HPSE2: variants seen among roughly 807,000 people sequenced by gnomAD.
HPSE2 encodes inactive heparanase-2.
In HPSE2, 38 loss-of-function variants were observed where a neutral mutation model predicts 60.5. The observed-to-expected ratio is 0.63, with a 90% CI of 0.48 to 0.82. The LOEUF (loss-of-function observed/expected upper bound fraction) is 0.82. Among genes scored for constraint, HPSE2 ranks in the 40% least tolerant of loss-of-function variants. The pLI is 0.00. For missense variants in HPSE2, 713 were observed against 740.4 expected (o/e 0.96, Z 0.43); for synonymous variants, 295 against 293.2 (o/e 1.01, Z -0.06).
intron 2 of HPSE2, among the ~76,000 whole-genome samples, chr10:99,157,882 C>A (rs1195896546): frequency 2.7e-5 from 3 of 109,872 alleles, no homozygotes; most frequent in East Asian, 3.8e-4. Context: ...CCAGAATCTA[C>A]AATGAACTCA....
At chr10:99,133,402 G>A (rs2135745395) in intron 3 of HPSE2, among the ~76,000 whole-genome samples, 1 of 152,324 alleles carries the variant, frequency 6.6e-6, no homozygotes, top group Middle Eastern at 3.4e-3. Context: ...GGGTCAGACT[G>A]CCGCCTCAAG....
chr10:99,154,384 T>G (rs1385476547), intron 2 of HPSE2, among the ~76,000 whole-genome samples: 1 of 71,420 alleles, frequency 1.4e-5, no homozygotes, highest in Non-Finnish European at 3.6e-5. Context: ...GGGAAGCCCA[T>G]CAGACTAACA....
intron 2 of HPSE2, among the ~76,000 whole-genome samples, chr10:99,179,476 CAGAG>C (rs1847669507): frequency 6.6e-6 from 1 of 152,110 alleles, no homozygotes; most frequent in South Asian, 2.1e-4. Flanking sequence ...AACAGACAAA[CAGAG>C]AGCCAAATCA....
rs1952716545 is a variant in HPSE2 at position 98,870,987 on chromosome 10, G to T, written c.611-126931C>A. 4.0e-5 allele frequency among the ~76,000 whole-genome samples: 6 copies of T among 149,408 alleles called. No individual in the cohort carries two copies. In the South Asian group the frequency reaches 1.1e-3, roughly 27 times the overall value. On this transcript the variant is annotated intron_variant, in intron 3 of 11. Transcript: ENST00000370552. ...GCTGGAATTTCCTCCTCTCTCTCTT[G>T]CCCTCTCTCACCACGGGACGCACTG...
intron 3 of HPSE2, among the ~76,000 whole-genome samples, chr10:98,749,355 C>T (rs6584219): frequency 0.71 from 107,398 of 151,546 alleles, 39,087 homozygotes; most frequent in South Asian, 0.81. Context: ...TAAATATACA[C>T]ATATGCATGC....
Position 98,937,233 on chromosome 10 carries a change from C to T in HPSE2, c.611-193177G>A, listed in dbSNP as rs1309196346. On this transcript the variant is annotated intron_variant, in intron 3 of 11. Coordinates refer to ENST00000370552, the MANE Select transcript of HPSE2 (RefSeq NM_021828.5). Reference sequence around the variant, plus strand: ...TCACTAGGGAGTGCCAGACAGTGGGCGCAGGACAGTGGGTGCAGCGCACCG... The same window carrying T: ...TCACTAGGGAGTGCCAGACAGTGGGTGCAGGACAGTGGGTGCAGCGCACCG... Among the ~76,000 whole-genome samples, 13 of 143,610 alleles carry T rather than the reference C, an allele frequency of 9.1e-5. 1 individual carries two copies. The highest frequency in any genetic ancestry group is 3.1e-4 in the African/African-American group (11 of 35,238). 94.2% of individuals were successfully genotyped at this position (143,610 alleles called of 152,430 possible). A position where few individuals can be genotyped will look rare whatever the true frequency, so the allele number is the denominator to read the frequency against.
At chr10:99,134,300 G>C (rs1257390145) in intron 3 of HPSE2, among the ~76,000 whole-genome samples, 1 of 152,116 alleles carries the variant, frequency 6.6e-6, no homozygotes, top group Non-Finnish European at 1.5e-5. Flanking sequence ...ACACTCTTCG[G>C]GATATTATCC....
rs1953176824 is a variant in HPSE2 at position 98,886,735 on chromosome 10, G to C, written c.611-142679C>G. 2.6e-5 allele frequency among the ~76,000 whole-genome samples: 4 copies of C among 152,084 alleles called. No individual in the cohort carries two copies. The South Asian group carries it at 8.3e-4, about 31-fold the overall frequency. On this transcript the variant is annotated intron_variant, in intron 3 of 11. Coordinates refer to ENST00000370552, the MANE Select transcript of HPSE2 (RefSeq NM_021828.5). ...AATCAGTAGTGGAGATAAAAATTGA[G>C]AGAATCGGAAAAGCATAAGACAAGA...
chr10:99,296,682 C>T, the HPSE2 span, among the ~76,000 whole-genome samples: 4 of 152,196 alleles, frequency 2.6e-5, no homozygotes, highest in Non-Finnish European at 5.9e-5. Context: ...TTGGGGCTTG[C>T]CTGCCCTGCA....
At chr10:98,541,334 G>A (rs1046041605) in intron 9 of HPSE2, among the ~76,000 whole-genome samples, 3 of 152,178 alleles carry the variant, frequency 2.0e-5, no homozygotes, top group Non-Finnish European at 4.4e-5. Flanking sequence ...ACTCGGGGGA[G>A]GAGCCAAGAT....
intron 9 of HPSE2, among the ~76,000 whole-genome samples, chr10:98,515,193 C>T (rs1942562129): frequency 6.6e-6 from 1 of 152,106 alleles, no homozygotes; most frequent in Non-Finnish European, 1.5e-5. Flanking sequence ...GGAGACTGAT[C>T]TTAAGACAGG....
intron 3 of HPSE2, among the ~76,000 whole-genome samples, chr10:98,960,701 C>CTTTTTTTTTATTTTTTTTTTTTTTTTTT (rs1955633934): frequency 1.7e-5 from 1 of 57,568 alleles, no homozygotes; most frequent in South Asian, 5.9e-4. Flanking sequence ...ATGTACATTT[C>CTTTTTTTTTATTTTTTTTTTTTTTTTTT]TTTTTTTTTT....
chr10:98,482,715 T>G lies in HPSE2; in HGVS notation c.1534A>C (p.Lys512Gln). The change falls in exon 11 of 12, where the codon AAG (lysine) becomes CAG (glutamine). Residue 512 changes from lysine to glutamine, a missense_variant. Transcript: ENST00000370552. ...TTGTCTCTGAGAGTCCCAGCCAGCT[T>G]GATTTTCTTTCTTGATCGATGCAAG... ...INLHRSRKKI[K>Q]LAGTLRDKLV... The G allele has an allele frequency of 6.2e-7, 1 of 1,614,194 alleles. No individual in the cohort carries two copies. The highest frequency in any genetic ancestry group is 8.5e-7 in the Non-Finnish European group (1 of 1,180,030).
chr10:99,292,333 T>C, the HPSE2 span, among the ~76,000 whole-genome samples: 1 of 152,246 alleles, frequency 6.6e-6, no homozygotes, highest in Admixed American at 6.5e-5. Flanking sequence ...GAATGTCTAC[T>C]AGTGTATAAC....
At chr10:99,285,280 A>C in the HPSE2 span, among the ~76,000 whole-genome samples, 1 of 150,664 alleles carries the variant, frequency 6.6e-6, no homozygotes, top group African/African-American at 2.4e-5. Context: ...AAAGGAAAAA[A>C]AAATTAGCTG....
chr10:98,620,708 C>G lies in HPSE2; in HGVS notation c.1099G>C (p.Val367Leu). Residue 367 changes from valine to leucine, a missense_variant and splice_region_variant, in exon 8 of 12, where the codon GTG becomes CTG. Val to Leu is a conservative substitution (Grantham distance 32, BLOSUM62 1). Transcript: ENST00000370552. Reference protein sequence around the residue: ...LSDQIRKIQKVVNTYTPGKKI... With the variant: ...LSDQIRKIQKLVNTYTPGKKI... ...TTTCCTGGAGTGTATGTATTAACCA[C>G]CTGTTTACACAACAAAAGCAGAAGG... is the stretch of plus-strand genomic sequence containing the variant. 6.2e-7 allele frequency: 1 copy of G among 1,605,726 alleles called. No individual in the cohort carries two copies. The highest frequency in any genetic ancestry group is 8.5e-7 in the Non-Finnish European group (1 of 1,172,610).
chr10:98,744,326 G>A (rs1220291462), intron 3 of HPSE2, among the ~76,000 whole-genome samples: 3 of 152,004 alleles, frequency 2.0e-5, no homozygotes, highest in South Asian at 2.1e-4. Context: ...TCGGGAGTTC[G>A]AGACCAGCCT....
At chr10:98,611,993 C>A (rs1442466900) in intron 9 of HPSE2, among the ~76,000 whole-genome samples, 3 of 152,168 alleles carry the variant, frequency 2.0e-5, no homozygotes, top group Non-Finnish European at 4.4e-5. Context: ...CTGACAGCAA[C>A]TCTTATTTGA....
intron 3 of HPSE2, among the ~76,000 whole-genome samples, chr10:98,983,567 C>A (rs779832504): frequency 3.9e-5 from 6 of 152,238 alleles, no homozygotes; most frequent in Admixed American, 2.6e-4. Context: ...CCTCTTCTAG[C>A]ACAGACAAAG....
Sources: gnomAD v4.1 joint callset for allele counts (sites outside exome capture counted in the v4.1 genomes callset) on GRCh38, gnomAD v4.1.1 for gene constraint, MANE v1.5 for transcripts, NCBI Gene and HGNC (gene_info 2026-07-23, HGNC 2026-07-21) for gene names.